Variants in MEGF11 observed in about 807,000 individuals in gnomAD.
The protein encoded by MEGF11 is multiple epidermal growth factor-like domains protein 11.
In MEGF11, 126 loss-of-function variants were observed where a neutral mutation model predicts 146.6. The observed-to-expected ratio is 0.86, with a 90% CI of 0.74 to 1.00. The LOEUF (loss-of-function observed/expected upper bound fraction) is 1.00. Among genes scored for constraint, MEGF11 ranks in the 50% least tolerant of loss-of-function variants. MEGF11 has a pLI of 0.00. For synonymous variants in MEGF11, 532 were observed against 583.4 expected (o/e 0.91, Z 1.27); for missense variants, 1,509 against 1,521.2 (o/e 0.99, Z 0.13).
rs972101500 is a variant in MEGF11, at chr15:65,929,720, C to T, written c.1572G>A (p.Pro524=). 4.5e-6 allele frequency: 7 copies of T among 1,549,842 alleles called. No individual in the cohort carries two copies. The Admixed American group carries it at 5.9e-5, about 13-fold the overall frequency. Residue 524 remains proline, a splice_region_variant and synonymous_variant, in exon 12 of 26, where the codon CCG becomes CCA. Transcript: ENST00000395614. ...TGTCCCTCCCCACCCTGGCACTCACCGGGCAAGGCAGCTCACAGGTGTCTC... is the reference window on the plus strand; with the variant it reads ...TGTCCCTCCCCACCCTGGCACTCACTGGGCAAGGCAGCTCACAGGTGTCTC... ...WLGDTCELPC[P]DGTFGLNCSE...
chr15:66,133,886 T>C (rs1283467293), intron 1 of MEGF11, among the ~76,000 whole-genome samples: 1 of 152,184 alleles, frequency 6.6e-6, no homozygotes. Context: ...AGCGCCAATG[T>C]GGAGTCTCTG....
At chr15:66,103,151 C>T (rs2086897799) in intron 4 of MEGF11, among the ~76,000 whole-genome samples, 1 of 152,326 alleles carries the variant, frequency 6.6e-6, no homozygotes. Flanking sequence ...GATGAGGTGA[C>T]CGCACACAGT....
At chr15:66,088,480 C>T (rs770107274) in intron 5 of MEGF11, among the ~76,000 whole-genome samples, 2 of 152,100 alleles carry the variant, frequency 1.3e-5, no homozygotes, top group Non-Finnish European at 2.9e-5. Flanking sequence ...GGTGAAACCC[C>T]GTCTCTACTA....
At chr15:66,212,966 C>T (rs550418841) in intron 1 of MEGF11, among the ~76,000 whole-genome samples, 7 of 152,332 alleles carry the variant, frequency 4.6e-5, no homozygotes, top group Admixed American at 2.6e-4. Context: ...CCTCATGCCC[C>T]GCCCAGGCTT....
At chr15:65,983,292 T>G (rs937012650) in intron 5 of MEGF11, among the ~76,000 whole-genome samples, 1 of 152,134 alleles carries the variant, frequency 6.6e-6, no homozygotes, top group Non-Finnish European at 1.5e-5. Context: ...CAAAGAGAGA[T>G]AGCTGAGCCA....
chr15:65,951,027 G>A (rs988173465), intron 10 of MEGF11, among the ~76,000 whole-genome samples: 10 of 152,192 alleles, frequency 6.6e-5, no homozygotes, highest in African/African-American at 2.4e-4. Flanking sequence ...AGTTTGCTGA[G>A]CAAGATATTT....
rs554232871 is a variant in MEGF11, at chr15:66,212,637, C to T, written c.-9+40968G>A. ...AGAGCCCCCCAGTAACACAAGAATG[C>T]GCTTCCTTCCACCCCCACTGCCAAG... is the stretch of plus-strand genomic sequence containing the variant. On this transcript the variant is annotated intron_variant, in intron 1 of 25. Transcript: ENST00000395614. 2.2e-4 allele frequency among the ~76,000 whole-genome samples: 33 copies of T among 152,356 alleles called. No individual in the cohort carries two copies. The East Asian group carries it at 3.3e-3, about 15-fold the overall frequency.
At chr15:66,025,032 C>A (rs2083280825) in intron 5 of MEGF11, among the ~76,000 whole-genome samples, 1 of 149,780 alleles carries the variant, frequency 6.7e-6, no homozygotes, top group African/African-American at 2.4e-5. Context: ...TGCAGGAGAT[C>A]AAAGCTGGCC....
chr15:66,024,704 T>C lies in MEGF11; in HGVS notation c.395-42216A>G, dbSNP rs140863114. 4.9e-3 allele frequency among the ~76,000 whole-genome samples: 742 copies of C among 152,196 alleles called. 9 individuals are homozygous for C. The highest frequency in any genetic ancestry group is 0.017 in the African/African-American group (701 of 41,516). On this transcript the variant is annotated intron_variant, in intron 5 of 25. Transcript: ENST00000395614. ...TATAAGTGACCAAGCCAGGACTGAA[T>C]CCCTGGTAGCTCTGGCTTCAGAGCT...
intron 5 of MEGF11, among the ~76,000 whole-genome samples, chr15:65,998,759 A>G (rs2141821201): frequency 6.6e-6 from 1 of 152,290 alleles, no homozygotes; most frequent in Non-Finnish European, 1.5e-5. Flanking sequence ...TCAGTCACCC[A>G]GCAAGGAACA....
At chr15:66,122,245 CA>C (rs1357765468) in intron 3 of MEGF11, among the ~76,000 whole-genome samples, 10 of 143,310 alleles carry the variant, frequency 7.0e-5, no homozygotes, top group African/African-American at 2.6e-4. Flanking sequence ...GCCTGGGCAA[CA>C]GAGTGCGATT....
intron 5 of MEGF11, among the ~76,000 whole-genome samples, chr15:66,047,465 A>C (rs2084255933): frequency 6.6e-6 from 1 of 152,176 alleles, no homozygotes; most frequent in East Asian, 1.9e-4. Flanking sequence ...AGCTTGTATT[A>C]AGGATCAAAT....
At chr15:66,133,918 T>A (rs2088772513) in intron 1 of MEGF11, among the ~76,000 whole-genome samples, 1 of 152,032 alleles carries the variant, frequency 6.6e-6, no homozygotes, top group South Asian at 2.1e-4. Flanking sequence ...GCCCCCGGGA[T>A]AAATCAGCGG....
intron 9 of MEGF11, among the ~76,000 whole-genome samples, chr15:65,958,655 C>A (rs1243357781): frequency 6.6e-6 from 1 of 152,238 alleles, no homozygotes; most frequent in African/African-American, 2.4e-5. Flanking sequence ...ATACCCCATC[C>A]TGGCAAACTT....
chr15:65,931,496 C>T (rs1361355061), intron 10 of MEGF11, among the ~76,000 whole-genome samples: 1 of 152,212 alleles, frequency 6.6e-6, no homozygotes, highest in African/African-American at 2.4e-5. Context: ...GACTTCTGAC[C>T]TTCAGGACTG....
intron 1 of MEGF11, among the ~76,000 whole-genome samples, chr15:66,142,256 C>T (rs967287018): frequency 2.0e-5 from 3 of 152,174 alleles, no homozygotes; most frequent in Non-Finnish European, 2.9e-5. Flanking sequence ...ATGGAGCCCC[C>T]GCGATGGGAA....
intron 5 of MEGF11, among the ~76,000 whole-genome samples, chr15:66,070,798 A>G (rs2085332964): frequency 6.6e-6 from 1 of 152,194 alleles, no homozygotes; most frequent in African/African-American, 2.4e-5. Flanking sequence ...AGTGAGGCCA[A>G]TGTCTGTGAA....
rs969519701 is a variant in MEGF11 at position 66,226,380 on chromosome 15, T to C, written c.-9+27225A>G. Among the ~76,000 whole-genome samples the C allele has an allele frequency of 9.9e-5, 15 of 152,142 alleles. 1 individual carries two copies. Among genetic ancestry groups the C allele is most frequent in the Admixed American group, 9.8e-4 (15 of 15,276 alleles). On this transcript the variant is annotated intron_variant, in intron 1 of 25. Coordinates refer to ENST00000395614, the MANE Select transcript of MEGF11 (RefSeq NM_001385028.1). ...CTCCTGCCTCAGCCTCCCAAGTAGCTGGAATTACAGGCGTGTGCCACCACG... is the reference window on the plus strand; with the variant it reads ...CTCCTGCCTCAGCCTCCCAAGTAGCCGGAATTACAGGCGTGTGCCACCACG...
At chr15:66,126,964 A>G (rs1186921831) in intron 2 of MEGF11, among the ~76,000 whole-genome samples, 1 of 152,218 alleles carries the variant, frequency 6.6e-6, no homozygotes, top group Non-Finnish European at 1.5e-5. Flanking sequence ...ATGTGCACTA[A>G]GGTCCATGAT....
Sources: allele counts gnomAD v4.1 joint callset (sites outside exome capture counted in the v4.1 genomes callset), GRCh38; gene constraint gnomAD v4.1.1; transcripts MANE v1.5; gene names NCBI Gene and HGNC (gene_info 2026-07-23, HGNC 2026-07-21).